Variants in TBCB observed in about 807,000 individuals in gnomAD.
TBCB encodes the protein tubulin-folding cofactor B.
TBCB carries 18 observed loss-of-function variants against 29.2 expected under a neutral mutation model. That is an observed-to-expected ratio of 0.62 (90% CI 0.43 to 0.91). The LOEUF (loss-of-function observed/expected upper bound fraction) is 0.91. Ranked by LOEUF, TBCB falls within the 40% of genes least tolerant of loss-of-function variation. The probability of loss-of-function intolerance (pLI) is 0.00; values close to 1 mark genes in which losing one functional copy is unlikely to be tolerated. For missense variants in TBCB, 336 were observed against 337.6 expected, an observed-to-expected ratio of 1.00 and a Z score of 0.04; for synonymous variants, 172 against 137.8, an observed-to-expected ratio of 1.25 and a Z score of -1.74.
chr19:36,125,751 CGGA>C lies in TBCB; in HGVS notation c.711_713del (p.Glu237del), dbSNP rs1436002781. The C allele has an allele frequency of 6.4e-7, 1 of 1,560,560 alleles. No homozygotes were observed. The highest frequency in any genetic ancestry group is 8.7e-7 in the Non-Finnish European group (1 of 1,153,494). On this transcript the variant is annotated inframe_deletion, in exon 6 of 6. Transcript: ENST00000221855. ...GCAGTCGTGACGGTGGGGGACTTCCCGGAGGAGGACTACGGGTTGGACGAGATA... is the reference window on the plus strand; with the variant it reads ...GCAGTCGTGACGGTGGGGGACTTCCCGGAGGACTACGGGTTGGACGAGATA...
Position 36,121,699 on chromosome 19 carries a change from G to T in TBCB, c.528G>T (p.Arg176=). The change falls in exon 4 of 6, where the codon CGG becomes CGT. Residue 176 remains arginine, a synonymous_variant. Transcript: ENST00000221855. Reference sequence around the variant, plus strand: ...GGGCGGCGGGACAATCCCCTCGCCGGGGCACCGTCATGTATGTAGGTGCGT... The same window carrying T: ...GGGCGGCGGGACAATCCCCTCGCCGTGGCACCGTCATGTATGTAGGTGCGT... The part of the protein sequence containing the change: ...EVRAAGQSPR[R]GTVMYVGLTD... The T allele has an allele frequency of 6.4e-7, 1 of 1,552,570 alleles. No homozygotes were observed. Among genetic ancestry groups the T allele is most frequent in the East Asian group, 2.4e-5 (1 of 41,638 alleles).
Position 36,115,691 on chromosome 19 carries a change from G to A in TBCB, c.114+17G>A. 1.3e-6 allele frequency: 2 copies of A among 1,554,924 alleles called. No individual in the cohort carries two copies. The highest frequency in any genetic ancestry group is 1.7e-6 in the Non-Finnish European group (2 of 1,144,558). Reference sequence around the variant, plus strand: ...GAGTTCAAGGTGTGGCCATGGGGGCGGGGTCCGGAGGGGCGGGGCGAAGAA... The same window carrying A: ...GAGTTCAAGGTGTGGCCATGGGGGCAGGGTCCGGAGGGGCGGGGCGAAGAA... On this transcript the variant is annotated intron_variant, in intron 1 of 5. Transcript: ENST00000221855.
chr19:36,115,389 G>C, upstream of TBCB: 1 of 601,734 alleles, frequency 1.7e-6, no homozygotes. Flanking sequence ...CTTCCTGGCG[G>C]TGGGGAAGGG....
rs113183340 is a variant in TBCB at position 36,121,583 on chromosome 19, C to G, written c.412C>G (p.Arg138Gly). 2 of 1,557,350 alleles carry G rather than the reference C, an allele frequency of 1.3e-6. No individual in the cohort carries two copies. Among genetic ancestry groups the G allele is most frequent in the Non-Finnish European group, 1.7e-6 (2 of 1,152,218 alleles). Residue 138 changes from arginine (R) to glycine (G), a missense_variant, in exon 4 of 6, where the codon CGG (arginine) becomes GGG (glycine). Physicochemically the swap from Arg to Gly is moderately radical, Grantham distance 125. Transcript: ENST00000221855. ...SKLGRYNEEE[R>G]AQQEAEAAQR... ...GCTCGGCCGGTACAACGAGGAGGAG[C>G]GGGCTCAGCAGGAGGCCGAGGCCGC...
intron 4 of TBCB, among the ~76,000 whole-genome samples, chr19:36,123,125 G>C (rs767370945): frequency 2.0e-5 from 3 of 152,172 alleles, no homozygotes; most frequent in Non-Finnish European, 4.4e-5. Context: ...GCCTGTGTCA[G>C]TGCCACACTG....
In TBCB at chr19:36,121,550, C is replaced by G; in HGVS notation, c.379C>G (p.Arg127Gly). 6.4e-7 allele frequency: 1 copy of G among 1,560,724 alleles called. No homozygotes were observed. The highest frequency in any genetic ancestry group is 1.2e-5 in the South Asian group (1 of 85,040). ...AGACACGGTCCGCTCTTTCCTGAAG[C>G]GCAGCAAGCTCGGCCGGTACAACGA... ...RQDTVRSFLK[R>G]SKLGRYNEEE... Residue 127 changes from arginine (R) to glycine (G), a missense_variant, in exon 4 of 6, where the codon CGC becomes GGC. By Grantham distance (125) the Arg-to-Gly change is moderately radical. Coordinates refer to ENST00000221855, the MANE Select transcript of TBCB (RefSeq NM_001281.3).
intron 2 of TBCB, 150 bp downstream of exon 2, chr19:36,116,334 A>T (rs1309509306): frequency 3.8e-6 from 4 of 1,065,710 alleles, no homozygotes; most frequent in Non-Finnish European, 5.3e-6. Flanking sequence ...CAGACCCATC[A>T]TTAGACAGGG....
chr19:36,120,741 A>G lies in TBCB; in HGVS notation c.290A>G (p.Glu97Gly). 6.2e-7 allele frequency: 1 copy of G among 1,614,054 alleles called. No individual in the cohort carries two copies. The highest frequency in any genetic ancestry group is 8.5e-7 in the Non-Finnish European group (1 of 1,180,014). ...VIDHSGARLG[E>G]YEDVSRVEKY... is the part of the protein sequence containing the mutation. ...GACCACAGTGGCGCCCGCCTTGGTGAGTATGAGGACGTGTCCCGGGTGGAG... is the reference window on the plus strand; with the variant it reads ...GACCACAGTGGCGCCCGCCTTGGTGGGTATGAGGACGTGTCCCGGGTGGAG... Residue 97 changes from glutamate to glycine, a missense_variant, in exon 3 of 6, where the codon GAG becomes GGG. Transcript: ENST00000221855.
Position 36,116,045 on chromosome 19 carries a change from A to T in TBCB, c.119A>T (p.Lys40Ile). Residue 40 changes from lysine (K) to isoleucine (I), a missense_variant, in exon 2 of 6, where the codon AAA (lysine) becomes ATA (isoleucine). By Grantham distance (102) the Lys-to-Ile change is moderately radical (BLOSUM62 -3). Coordinates refer to ENST00000221855, the MANE Select transcript of TBCB (RefSeq NM_001281.3). ...CACCCTGCCTCCTCCTCACAGTGTA[A>T]ACTGGAGTTGCTGGTGGGCAGCCCT... is the stretch of plus-strand genomic sequence containing the variant. The part of the protein sequence containing the change: ...RSLTIAEFKC[K>I]LELLVGSPAS... 6.2e-7 allele frequency: 1 copy of T among 1,613,942 alleles called. No individual in the cohort carries two copies. Among genetic ancestry groups the T allele is most frequent in the Non-Finnish European group, 8.5e-7 (1 of 1,179,904 alleles).
chr19:36,124,719 A>G (rs1974109638), intron 4 of TBCB, among the ~76,000 whole-genome samples: 1 of 151,836 alleles, frequency 6.6e-6, no homozygotes, highest in African/African-American at 2.4e-5. Flanking sequence ...AATTTTTTGT[A>G]TTTTTAGTAG....
intron 4 of TBCB, among the ~76,000 whole-genome samples, chr19:36,124,555 T>C (rs1038017502): frequency 3.3e-5 from 5 of 151,902 alleles, no homozygotes; most frequent in Non-Finnish European, 5.9e-5. Context: ...GTTTTTTTTC[T>C]TTTGAGACGT....
chr19:36,121,226 CGGAGGAGGGCGGA>C (rs1974044225), intron 3 of TBCB, among the ~76,000 whole-genome samples: 1 of 151,376 alleles, frequency 6.6e-6, no homozygotes, highest in African/African-American at 2.4e-5. Flanking sequence ...GCCTCAGGGC[CGGAGGAGGGCGGA>C]GGAGGAAGGC....
At position 36,116,034 on chromosome 19, in the gene TBCB, C is replaced by G; in HGVS notation, c.115-7C>G. The G allele has an allele frequency of 6.2e-7, 1 of 1,612,640 alleles. No individual in the cohort carries two copies. The highest frequency in any genetic ancestry group is 8.5e-7 in the Non-Finnish European group (1 of 1,178,834). ...CTCCTTCTTCTCACCCTGCCTCCTC[C>G]TCACAGTGTAAACTGGAGTTGCTGG... On this transcript the variant is annotated splice_region_variant and splice_polypyrimidine_tract_variant and intron_variant, in intron 1 of 5. Transcript: ENST00000221855.
At chr19:36,115,979 C>A in intron 1 of TBCB, 62 bp from the exon 2 acceptor site, 1 of 1,582,010 alleles carries the variant, frequency 6.3e-7, no homozygotes, top group South Asian at 1.1e-5. Flanking sequence ...TGGCGATGGT[C>A]ATTGATGCAA....
intron 4 of TBCB, among the ~76,000 whole-genome samples, chr19:36,123,044 A>G (rs1974081875): frequency 6.6e-6 from 1 of 152,136 alleles, no homozygotes; most frequent in South Asian, 2.1e-4. Flanking sequence ...GAATAGGATC[A>G]TGCAGTCTGT....
At chr19:36,121,836 A>T in intron 4 of TBCB, 118 bp downstream of exon 4, 1 of 1,286,888 alleles carries the variant, frequency 7.8e-7, no homozygotes, top group Non-Finnish European at 1.1e-6. Context: ...GTTGGGGGGG[A>T]CTCGAAACGA....
At chr19:36,121,222 G>A (rs1974043873) in intron 3 of TBCB, among the ~76,000 whole-genome samples, 5 of 151,966 alleles carry the variant, frequency 3.3e-5, no homozygotes, top group African/African-American at 1.2e-4. Context: ...GGGGGCCTCA[G>A]GGCCGGAGGA....
At chr19:36,115,994 CG>C (rs1973945373) in intron 1 of TBCB, 46 bp from the exon 2 acceptor site, 1 of 1,595,060 alleles carries the variant, frequency 6.3e-7, no homozygotes, top group Non-Finnish European at 8.6e-7. Context: ...ATGCAAGGGG[CG>C]GGGCCTCCGT....
chr19:36,119,850 C>G (rs1000796666), intron 2 of TBCB, among the ~76,000 whole-genome samples: 9 of 150,862 alleles, frequency 6.0e-5, no homozygotes, highest in Admixed American at 2.0e-4. Flanking sequence ...GAGCTGAGAT[C>G]ACACCACCAC....
Sources: allele counts gnomAD v4.1 joint callset (sites outside exome capture counted in the v4.1 genomes callset), GRCh38; gene constraint gnomAD v4.1.1; transcripts MANE v1.5; gene names NCBI Gene and HGNC (gene_info 2026-07-23, HGNC 2026-07-21).